ALPL: variants seen among roughly 807,000 people sequenced by gnomAD.
ALPL encodes alkaline phosphatase, tissue-nonspecific isozyme.
ALPL carries 42 observed loss-of-function variants against 51.3 expected under a neutral mutation model. The ratio of observed to expected loss-of-function variants is 0.82; its 90% CI spans 0.64 to 1.06. The LOEUF (loss-of-function observed/expected upper bound fraction) is 1.06, where lower values mean the gene tolerates loss of function less well. Ranked by LOEUF, ALPL falls within the 50% of genes least tolerant of loss-of-function variation. ALPL has a pLI of 0.00. For missense variants in ALPL, 589 were observed against 709.4 expected, an observed-to-expected ratio of 0.83 and a Z score of 1.93; for synonymous variants, 279 against 296.4, an observed-to-expected ratio of 0.94 and a Z score of 0.60.
At chr1:21,552,106 T>TCCCCGCC (rs1558542016) in intron 1 of ALPL, among the ~76,000 whole-genome samples, 1 of 33,814 alleles carries the variant, frequency 3.0e-5, no homozygotes, top group Non-Finnish European at 5.0e-5. Flanking sequence ...CCCTTCCCTT[T>TCCCCGCC]CCTCCCCTTC....
intron 1 of ALPL, 79 bp from the exon 2 acceptor site, chr1:21,553,899 A>C: frequency 1.5e-6 from 1 of 650,630 alleles, no homozygotes. Context: ...TGAATGAATC[A>C]AGGAATGAAT....
At chr1:21,532,524 T>TGAGAAATAAGGAAACAA in intron 1 of ALPL, among the ~76,000 whole-genome samples, 1 of 151,742 alleles carries the variant, frequency 6.6e-6, no homozygotes, top group Non-Finnish European at 1.5e-5. Context: ...ATCAGAAACA[T>TGAGAAATAAGGAAACAA]GAGAAATAAG....
chr1:21,573,623 C>T (rs1397567295), intron 8 of ALPL, 42 bp from the exon 9 acceptor site: 2 of 1,610,532 alleles, frequency 1.2e-6, no homozygotes, highest in Non-Finnish European at 1.7e-6. Flanking sequence ...CTAGCCGGGT[C>T]ACAGCCTCTC....
intron 1 of ALPL, among the ~76,000 whole-genome samples, chr1:21,552,999 G>A (rs74567349): frequency 0.021 from 3,235 of 152,088 alleles, 108 homozygotes; most frequent in African/African-American, 0.075. Context: ...TGATTTAACA[G>A]GAAGACCACA....
chr1:21,541,762 A>T (rs1260431552), intron 1 of ALPL, among the ~76,000 whole-genome samples: 1 of 152,306 alleles, frequency 6.6e-6, no homozygotes, highest in Non-Finnish European at 1.5e-5. Flanking sequence ...AGCATGGGAC[A>T]TTCTAGTCTG....
rs762113204 is a variant in ALPL, at chr1:21,564,009, A to T, written c.473-32A>T. 4 of 1,610,794 alleles carry T rather than the reference A, an allele frequency of 2.5e-6. No individual in the cohort carries two copies. The highest frequency in any genetic ancestry group is 3.4e-6 in the Non-Finnish European group (4 of 1,179,816). The stretch of plus-strand genomic sequence containing the variant: ...GCCTCTGGGACACCCCGATCTGTGG[A>T]TAAAGCCAAACCCGCCCCTCCTGCA... On this transcript the variant is annotated intron_variant, in intron 5 of 11. Transcript: ENST00000374840. This position sits in a 1 kb window ranked among gnomAD's most constrained non-coding sequence, Gnocchi z 5.8.
chr1:21,543,701 T>G (rs1208617714), intron 1 of ALPL, among the ~76,000 whole-genome samples: 1 of 152,170 alleles, frequency 6.6e-6, no homozygotes, highest in African/African-American at 2.4e-5. Context: ...CATAAGCACC[T>G]CAAGTGATTT....
chr1:21,547,342 C>G (rs925552994), intron 1 of ALPL, among the ~76,000 whole-genome samples: 9 of 152,150 alleles, frequency 5.9e-5, no homozygotes, highest in African/African-American at 2.2e-4. Context: ...GGCTTTGGAG[C>G]TAGTGTGACC....
chr1:21,562,458 C>T (rs1278487408), intron 4 of ALPL, among the ~76,000 whole-genome samples: 1 of 152,150 alleles, frequency 6.6e-6, no homozygotes, highest in Non-Finnish European at 1.5e-5. Context: ...TATGTAATAA[C>T]CTCCAGACCC....
Position 21,577,631 on chromosome 1 carries a change from C to A in ALPL, c.1558C>A (p.Leu520Met), listed in dbSNP as rs1558559144. ...PLLLALALYP[L>M]SVLF is the part of the protein sequence containing the mutation. The stretch of plus-strand genomic sequence containing the variant: ...GCTGCTCGCGCTGGCCCTCTACCCC[C>A]TGAGCGTCCTGTTCTGAGGGCCCAG... Residue 520 changes from leucine (L) to methionine (M), a missense_variant, in exon 12 of 12, where the codon CTG (leucine) becomes ATG (methionine). Coordinates refer to ENST00000374840, the MANE Select transcript of ALPL (RefSeq NM_000478.6). 1.3e-6 allele frequency: 2 copies of A among 1,598,526 alleles called. No individual in the cohort carries two copies. Among genetic ancestry groups the A allele is most frequent in the South Asian group, 2.2e-5 (2 of 90,794 alleles).
intron 2 of ALPL, among the ~76,000 whole-genome samples, chr1:21,558,927 C>T (rs975188592): frequency 6.6e-6 from 1 of 152,188 alleles, no homozygotes; most frequent in Non-Finnish European, 1.5e-5. Flanking sequence ...TCTCCATTTC[C>T]TAATGTGGAG....
At chr1:21,516,839 T>G (rs1553404657) in intron 1 of ALPL, among the ~76,000 whole-genome samples, 1 of 152,206 alleles carries the variant, frequency 6.6e-6, no homozygotes, top group Non-Finnish European at 1.5e-5. Context: ...TTTTTTTGCT[T>G]TTCCCCATGA....
chr1:21,543,337 G>A (rs1014997239), intron 1 of ALPL, among the ~76,000 whole-genome samples: 1 of 151,922 alleles, frequency 6.6e-6, no homozygotes, highest in African/African-American at 2.4e-5. Context: ...AATCTCATCA[G>A]CTCCTCCCCA....
chr1:21,550,086 C>G (rs1415766083), intron 1 of ALPL, among the ~76,000 whole-genome samples: 2 of 152,190 alleles, frequency 1.3e-5, no homozygotes, highest in Non-Finnish European at 2.9e-5. Context: ...GAGGACAGAT[C>G]AGGGATCGCC....
rs1041503678 is a variant in ALPL, at chr1:21,554,003, C to G, written c.-79C>G. 1 of 1,149,142 alleles carries G rather than the reference C, an allele frequency of 8.7e-7. No individual in the cohort carries two copies. Among genetic ancestry groups the G allele is most frequent in the Non-Finnish European group, 1.3e-6 (1 of 757,370 alleles). The allele number at this position is 1,149,142 out of a possible 1,614,324, so 71.2% of individuals were successfully genotyped here. A position where few individuals can be genotyped will look rare whatever the true frequency, so the allele number is the denominator to read the frequency against. On this transcript the variant is annotated 5_prime_UTR_variant, in exon 2 of 12. Transcript: ENST00000374840. ...GATTGGAACATCAGTTAACATCTGA[C>G]CACTGCCAGCCCACCCCCTCCCACC...
chr1:21,576,040 T>TG, intron 10 of ALPL, 116 bp downstream of exon 10: 1 of 1,270,854 alleles, frequency 7.9e-7, no homozygotes, highest in Non-Finnish European at 1.1e-6. Flanking sequence ...CAATGACAAC[T>TG]GGGTGGGGAG....
At chr1:21,513,059 CTATTAT>C (rs146470644) in intron 1 of ALPL, among the ~76,000 whole-genome samples, 84 of 150,900 alleles carry the variant, frequency 5.6e-4, no homozygotes, top group African/African-American at 1.7e-3. Context: ...CTCGCCCTCT[CTATTAT>C]TATTATTATT....
intron 1 of ALPL, among the ~76,000 whole-genome samples, chr1:21,550,964 A>G (rs1644313319): frequency 6.6e-6 from 1 of 152,172 alleles, no homozygotes. Flanking sequence ...GCCATTATAA[A>G]CAGGGCTGAT....
chr1:21,576,545 A>G lies in ALPL; in HGVS notation c.1213A>G (p.Thr405Ala). 6.2e-7 allele frequency: 1 copy of G among 1,613,888 alleles called. No homozygotes were observed. Among genetic ancestry groups the G allele is most frequent in the East Asian group, 2.2e-5 (1 of 44,856 alleles). ...AGGTCTGGCCCCCATGCTGAGTGAC[A>G]CAGACAAGAAGCCCTTCACTGCCAT... ...IFGLAPMLSD[T>A]DKKPFTAILY... is the part of the protein sequence containing the mutation. Residue 405 changes from threonine to alanine, a missense_variant, in exon 11 of 12, where the codon ACA becomes GCA. By Grantham distance (58) the Thr-to-Ala change is moderately conservative. Transcript: ENST00000374840.
Sources: gnomAD v4.1 joint callset for allele counts (sites outside exome capture counted in the v4.1 genomes callset) on GRCh38, gnomAD v4.1.1 for gene constraint, Gnocchi (gnomAD v3.1) non-coding constraint, MANE v1.5 for transcripts, NCBI Gene and HGNC (gene_info 2026-07-23, HGNC 2026-07-21) for gene names.